Variants in ZBTB8A observed in about 807,000 individuals in gnomAD.
ZBTB8A encodes the protein zinc finger and BTB domain containing 8A.
In ZBTB8A, 19 loss-of-function variants were observed where a neutral mutation model predicts 37.8. That is an observed-to-expected ratio of 0.50 (90% CI 0.35 to 0.74). The LOEUF (loss-of-function observed/expected upper bound fraction) is 0.74, where lower values mean the gene tolerates loss of function less well. Ranked by LOEUF, ZBTB8A falls within the 30% of genes least tolerant of loss-of-function variation. The pLI is 0.01. For missense variants in ZBTB8A, 394 were observed against 537.8 expected (o/e 0.73, Z 2.65); for synonymous variants, 181 against 185.2 (o/e 0.98, Z 0.19).
chr1:32,575,389 G>A (rs1356642305), intron 2 of ZBTB8A, among the ~76,000 whole-genome samples: 1 of 151,474 alleles, frequency 6.6e-6, no homozygotes, highest in Non-Finnish European at 1.5e-5. Flanking sequence ...ACCACACCTG[G>A]CTAATTTTTG....
intron 2 of ZBTB8A, among the ~76,000 whole-genome samples, chr1:32,560,351 A>C (rs1326064935): frequency 6.6e-6 from 1 of 152,182 alleles, no homozygotes; most frequent in African/African-American, 2.4e-5. Context: ...AGTCTCCACC[A>C]GCAAGAAAGC....
intron 2 of ZBTB8A, 88 bp from the exon 3 acceptor site, chr1:32,592,843 T>C: frequency 9.0e-7 from 1 of 1,114,818 alleles, no homozygotes; most frequent in Non-Finnish European, 1.3e-6. Context: ...CACTGCAGCC[T>C]GGGCCACAGA....
chr1:32,574,200 A>C (rs1644344162), intron 2 of ZBTB8A, among the ~76,000 whole-genome samples: 1 of 152,218 alleles, frequency 6.6e-6, no homozygotes, highest in African/African-American at 2.4e-5. Flanking sequence ...TTTATTTAGA[A>C]GTTTAATGTT....
Position 32,595,062 on chromosome 1 carries a change from C to T in ZBTB8A, c.832C>T (p.Pro278Ser). ...AAAGCGTCTCTTGACAGATGATCTG[C>T]CTCGGATGCGATTCAAGTGCCCGTA... is the stretch of plus-strand genomic sequence containing the variant. ...VTSKSFPDDL[P>S]RMRFKCPYCT... Residue 278 changes from proline (P) to serine (S), a missense_variant, in exon 4 of 5, where the codon CCT (proline) becomes TCT (serine). Coordinates refer to ENST00000373510, the MANE Select transcript of ZBTB8A (RefSeq NM_001040441.3). The T allele has an allele frequency of 6.2e-7, 1 of 1,613,640 alleles. No individual in the cohort carries two copies. Among genetic ancestry groups the T allele is most frequent in the South Asian group, 1.1e-5 (1 of 91,006 alleles).
chr1:32,582,472 A>C (rs1172782777), intron 2 of ZBTB8A, among the ~76,000 whole-genome samples: 1 of 151,934 alleles, frequency 6.6e-6, no homozygotes, highest in Non-Finnish European at 1.5e-5. Context: ...ACATGAAGAA[A>C]CCCTGTCTCT....
At position 32,593,320 on chromosome 1, in the gene ZBTB8A, A is replaced by T; in HGVS notation, c.389A>T (p.Asp130Val). Reference protein sequence around the residue: ...SSLDISEKEKDRYFSLSDKDA... With the variant: ...SSLDISEKEKVRYFSLSDKDA... ...TTAGACATTAGTGAGAAAGAAAAAG[A>T]TCGCTATTTCAGTCTCTCAGATAAA... The change falls in exon 3 of 5, where the codon GAT becomes GTT. Residue 130 changes from aspartate (D) to valine (V), a missense_variant. By Grantham distance (152) the Asp-to-Val change is radical. Coordinates refer to ENST00000373510, the MANE Select transcript of ZBTB8A (RefSeq NM_001040441.3). 1.2e-6 allele frequency: 2 copies of T among 1,614,194 alleles called. No homozygotes were observed. Among genetic ancestry groups the T allele is most frequent in the South Asian group, 2.2e-5 (2 of 91,084 alleles).
At chr1:32,582,106 T>C (rs1288380593) in intron 2 of ZBTB8A, among the ~76,000 whole-genome samples, 1 of 152,128 alleles carries the variant, frequency 6.6e-6, no homozygotes, top group African/African-American at 2.4e-5. Context: ...GGAATTATTA[T>C]ATTTTAACTG....
intron 1 of ZBTB8A, among the ~76,000 whole-genome samples, chr1:32,551,726 T>G (rs765280572): frequency 2.0e-5 from 3 of 152,024 alleles, no homozygotes; most frequent in Admixed American, 6.6e-5. Flanking sequence ...AATAAAAAGT[T>G]ATTTCAGTTT....
At chr1:32,555,634 C>G (rs550140245) in intron 2 of ZBTB8A, among the ~76,000 whole-genome samples, 1 of 152,232 alleles carries the variant, frequency 6.6e-6, no homozygotes, top group East Asian at 1.9e-4. Flanking sequence ...TCCAGGTTCC[C>G]CTCTCAGCCC....
chr1:32,562,650 C>T (rs1252128796), intron 2 of ZBTB8A, among the ~76,000 whole-genome samples: 1 of 148,414 alleles, frequency 6.7e-6, no homozygotes, highest in Non-Finnish European at 1.5e-5. Flanking sequence ...GATCTCAGCT[C>T]ACTGCAATCT....
In ZBTB8A at chr1:32,605,768, A is replaced by G. The variant is rs1172355630; in HGVS notation, c.*5349A>G. 6.6e-6 allele frequency: 1 copy of G among 151,180 alleles called. No homozygotes were observed. Among genetic ancestry groups the G allele is most frequent in the Non-Finnish European group, 1.5e-5 (1 of 67,842 alleles). 9.4% of individuals were successfully genotyped at this position (151,180 alleles called of 1,614,324 possible). ...ACCCAGTGAAATGGTAGCAAAAAAT[A>G]GGAAATATAATGATCACATTTTCTG... On this transcript the variant is annotated 3_prime_UTR_variant, in exon 5 of 5. Coordinates refer to ENST00000373510, the MANE Select transcript of ZBTB8A (RefSeq NM_001040441.3).
chr1:32,563,646 T>C (rs1407767205), intron 2 of ZBTB8A, among the ~76,000 whole-genome samples: 2 of 152,048 alleles, frequency 1.3e-5, no homozygotes, highest in Non-Finnish European at 2.9e-5. Context: ...TGTGTGTGTG[T>C]CTTTTTAGTA....
At chr1:32,548,044 A>ACT (rs1644120530) in intron 1 of ZBTB8A, among the ~76,000 whole-genome samples, 1 of 150,016 alleles carries the variant, frequency 6.7e-6, no homozygotes, top group Non-Finnish European at 1.5e-5. Context: ...GAGACAGTAG[A>ACT]ATCACTTGAA....
chr1:32,587,171 C>T (rs1407261213), intron 2 of ZBTB8A, among the ~76,000 whole-genome samples: 2 of 149,382 alleles, frequency 1.3e-5, no homozygotes, highest in Admixed American at 6.6e-5. Context: ...CTCTGGAGGC[C>T]GAGGTTTCAG....
intron 1 of ZBTB8A, among the ~76,000 whole-genome samples, chr1:32,540,716 C>G (rs1334936136): frequency 6.6e-6 from 1 of 152,210 alleles, no homozygotes; most frequent in African/African-American, 2.4e-5. Context: ...GCTTCTGCTC[C>G]AGTCTTATCT....
At chr1:32,597,013 CTT>C (rs1034418885) in intron 4 of ZBTB8A, among the ~76,000 whole-genome samples, 1 of 146,434 alleles carries the variant, frequency 6.8e-6, no homozygotes. Context: ...TTTCTTTTTT[CTT>C]TTTTTTTTTG....
At chr1:32,567,131 G>C (rs1180256238) in intron 2 of ZBTB8A, among the ~76,000 whole-genome samples, 2 of 152,164 alleles carry the variant, frequency 1.3e-5, no homozygotes, top group Non-Finnish European at 2.9e-5. Flanking sequence ...GACTGGGCAG[G>C]CCTCAGGAAA....
At chr1:32,584,479 G>A (rs1020455465) in intron 2 of ZBTB8A, among the ~76,000 whole-genome samples, 1 of 147,832 alleles carries the variant, frequency 6.8e-6, no homozygotes, top group Non-Finnish European at 1.5e-5. Context: ...TATACTAAAC[G>A]TCATCATTCT....
chr1:32,574,469 C>T (rs1038458304), intron 2 of ZBTB8A, among the ~76,000 whole-genome samples: 1 of 152,100 alleles, frequency 6.6e-6, no homozygotes, highest in Non-Finnish European at 1.5e-5. Context: ...TGGTGGCATG[C>T]ACCTGTGGTC....
Sources: gnomAD v4.1 joint callset for allele counts (sites outside exome capture counted in the v4.1 genomes callset) on GRCh38, gnomAD v4.1.1 for gene constraint, MANE v1.5 for transcripts, NCBI Gene and HGNC (gene_info 2026-07-23, HGNC 2026-07-21) for gene names.